MLLT3: variants seen among roughly 807,000 people sequenced by gnomAD.
MLLT3 encodes MLLT3 super elongation complex subunit.
A neutral mutation model predicts 53.2 loss-of-function variants in MLLT3; 4 were observed. The ratio of observed to expected loss-of-function variants is 0.08; its 90% CI spans 0.04 to 0.17. MLLT3 has a LOEUF of 0.17. Among genes scored for constraint, MLLT3 ranks in the 10% least tolerant of loss-of-function variants. The probability of loss-of-function intolerance (pLI) is 1.00; values close to 1 mark genes in which losing one functional copy is unlikely to be tolerated. For synonymous variants in MLLT3, 283 were observed against 230.6 expected (o/e 1.23, Z -2.06); for missense variants, 569 against 684.0 (o/e 0.83, Z 1.87).
intron 2 of MLLT3, among the ~76,000 whole-genome samples, chr9:20,592,985 A>T (rs1268175177): frequency 1.3e-5 from 2 of 152,198 alleles, no homozygotes; most frequent in Non-Finnish European, 2.9e-5. Context: ...TTATATAGTG[A>T]CATTCCAACA....
intron 5 of MLLT3, among the ~76,000 whole-genome samples, chr9:20,367,236 C>T (rs1587162022): frequency 6.6e-6 from 1 of 152,312 alleles, no homozygotes; most frequent in East Asian, 1.9e-4. Context: ...CTCTTTGACC[C>T]ACCCAACTCA....
intron 6 of MLLT3, among the ~76,000 whole-genome samples, chr9:20,365,105 C>T (rs1821417199): frequency 6.6e-6 from 1 of 152,112 alleles, no homozygotes. Flanking sequence ...ATTGTATTTC[C>T]TTTGGGAACT....
At chr9:20,563,124 T>C (rs941531606) in intron 2 of MLLT3, among the ~76,000 whole-genome samples, 2 of 152,050 alleles carry the variant, frequency 1.3e-5, no homozygotes, top group South Asian at 2.1e-4. Flanking sequence ...AGAAGCACAC[T>C]AGGCAGAATT....
At chr9:20,455,464 T>G (rs1485943654) in intron 3 of MLLT3, among the ~76,000 whole-genome samples, 1 of 152,228 alleles carries the variant, frequency 6.6e-6, no homozygotes, top group Non-Finnish European at 1.5e-5. Flanking sequence ...CTAGCAAATA[T>G]GCAGATTCCT....
At chr9:20,452,114 C>T (rs971783896) in intron 3 of MLLT3, among the ~76,000 whole-genome samples, 2 of 152,178 alleles carry the variant, frequency 1.3e-5, no homozygotes, top group Non-Finnish European at 2.9e-5. Context: ...TAAGACTCTT[C>T]CATCATTACC....
At chr9:20,442,757 G>A (rs1017686701) in intron 4 of MLLT3, among the ~76,000 whole-genome samples, 10 of 152,122 alleles carry the variant, frequency 6.6e-5, no homozygotes, top group Admixed American at 5.2e-4. Context: ...ACAATAAGCA[G>A]CATTTCAGAA....
intron 2 of MLLT3, among the ~76,000 whole-genome samples, chr9:20,542,266 C>T (rs1035763163): frequency 3.1e-5 from 4 of 127,442 alleles, no homozygotes; most frequent in Non-Finnish European, 4.7e-5. Flanking sequence ...TTTTTTGAGA[C>T]GGAGTCTTGC....
Position 20,578,146 on chromosome 9 carries a change from C to A in MLLT3, c.193+42508G>T, listed in dbSNP as rs142657894. Among the ~76,000 whole-genome samples the A allele has an allele frequency of 4.5e-3, 687 of 152,268 alleles. 4 individuals carry two copies. Among genetic ancestry groups the A allele is most frequent in the African/African-American group, 0.015 (617 of 41,550 alleles). On this transcript the variant is annotated intron_variant, in intron 2 of 10. Coordinates refer to ENST00000380338, the MANE Select transcript of MLLT3 (RefSeq NM_004529.4). The stretch of plus-strand genomic sequence containing the variant: ...TGGCTGGCATGATAGAAGAGATAGA[C>A]AACAATTTGGAGGATCTGTACTACA...
chr9:20,346,410 C>T lies in MLLT3; in HGVS notation c.*33G>A, dbSNP rs965228709. ...AAAAAAAAACCAAAAAAAAAAAACA[C>T]AATAGTTCTTGATGCATCCAGTTGT... On this transcript the variant is annotated 3_prime_UTR_variant, in exon 11 of 11. Coordinates refer to ENST00000380338, the MANE Select transcript of MLLT3 (RefSeq NM_004529.4). 1.6e-6 allele frequency: 2 copies of T among 1,269,276 alleles called. No homozygotes were observed. The highest frequency in any genetic ancestry group is 1.7e-5 in the African/African-American group (1 of 57,890). The allele number at this position is 1,269,276 out of a possible 1,614,324, so 78.6% of individuals were successfully genotyped here. A position where few individuals can be genotyped will look rare whatever the true frequency, so the allele number is the denominator to read the frequency against.
intron 2 of MLLT3, among the ~76,000 whole-genome samples, chr9:20,520,946 C>A (rs781428433): frequency 6.6e-6 from 1 of 152,132 alleles, no homozygotes; most frequent in Non-Finnish European, 1.5e-5. Flanking sequence ...GTGGAAAAGG[C>A]AGGATTTCTT....
chr9:20,399,621 G>A (rs573610973), intron 5 of MLLT3, among the ~76,000 whole-genome samples: 2 of 152,168 alleles, frequency 1.3e-5, no homozygotes, highest in East Asian at 1.9e-4. Flanking sequence ...AGGACTCAGG[G>A]TAATATACTG....
chr9:20,391,029 A>G (rs1822165582), intron 5 of MLLT3, among the ~76,000 whole-genome samples: 1 of 152,236 alleles, frequency 6.6e-6, no homozygotes, highest in East Asian at 1.9e-4. Context: ...CTAGGCATAC[A>G]GCTCAATTAA....
At chr9:20,479,980 T>C (rs975349210) in intron 2 of MLLT3, among the ~76,000 whole-genome samples, 1 of 152,174 alleles carries the variant, frequency 6.6e-6, no homozygotes, top group African/African-American at 2.4e-5. Flanking sequence ...AGAGTTCCCA[T>C]GATGCCGAGT....
rs541532409 is a variant in MLLT3, at chr9:20,578,763, C to T, written c.193+41891G>A. Among the ~76,000 whole-genome samples the T allele has an allele frequency of 6.1e-4, 92 of 151,926 alleles. 1 individual carries two copies. The highest frequency in any genetic ancestry group is 1.7e-3 in the African/African-American group (70 of 41,456). ...TATTGGGAACAATTCAAGTATATGA[C>T]GCTAACATTTTCCAAGTAGATATTT... On this transcript the variant is annotated intron_variant, in intron 2 of 10. Coordinates refer to ENST00000380338, the MANE Select transcript of MLLT3 (RefSeq NM_004529.4).
intron 4 of MLLT3, among the ~76,000 whole-genome samples, chr9:20,443,746 G>A (rs1823612771): frequency 6.6e-6 from 1 of 152,172 alleles, no homozygotes; most frequent in Admixed American, 6.6e-5. Context: ...ACTAGTAACT[G>A]AGGGGAAAAG....
intron 5 of MLLT3, among the ~76,000 whole-genome samples, chr9:20,387,046 A>G (rs1822054435): frequency 6.6e-6 from 1 of 152,228 alleles, no homozygotes; most frequent in African/African-American, 2.4e-5. Flanking sequence ...AGCCAAAGAT[A>G]AAGATGAGGA....
intron 2 of MLLT3, among the ~76,000 whole-genome samples, chr9:20,523,988 C>T (rs890714205): frequency 2.7e-5 from 4 of 150,004 alleles, no homozygotes; most frequent in African/African-American, 9.8e-5. Flanking sequence ...AAAAAAGCCA[C>T]AGACACACAC....
At chr9:20,485,259 G>C (rs1477124215) in intron 2 of MLLT3, among the ~76,000 whole-genome samples, 1 of 152,170 alleles carries the variant, frequency 6.6e-6, no homozygotes, top group Non-Finnish European at 1.5e-5. Flanking sequence ...AAAGTACTGG[G>C]ATTACAGGCA....
chr9:20,553,829 CTT>C (rs555953729), intron 2 of MLLT3, among the ~76,000 whole-genome samples: 2 of 144,864 alleles, frequency 1.4e-5, no homozygotes, highest in East Asian at 2.0e-4. Flanking sequence ...AAATAAACAG[CTT>C]TTTTTTTTTT....
Sources: gnomAD v4.1 joint callset for allele counts (sites outside exome capture counted in the v4.1 genomes callset) on GRCh38, gnomAD v4.1.1 for gene constraint, MANE v1.5 for transcripts, NCBI Gene and HGNC (gene_info 2026-07-23, HGNC 2026-07-21) for gene names.